The following SLC4A5 variants were observed in gnomAD, a reference collection of about 807,000 sequenced individuals.
The protein encoded by SLC4A5 is electrogenic sodium bicarbonate cotransporter 4.
SLC4A5 carries 96 observed loss-of-function variants against 120.4 expected under a neutral mutation model. The ratio of observed to expected loss-of-function variants is 0.80; its 90% CI spans 0.68 to 0.94. SLC4A5 has a LOEUF of 0.94. SLC4A5 is among the 40% of genes least tolerant of loss of function. SLC4A5 has a pLI of 0.00. For synonymous variants in SLC4A5, 550 were observed against 571.1 expected, an observed-to-expected ratio of 0.96 and a Z score of 0.53; for missense variants, 1,259 against 1,459.5, an observed-to-expected ratio of 0.86 and a Z score of 2.24.
At chr2:74,342,520 C>T (rs1247880062) in exon 2 of SLC4A5, 2 of 152,200 alleles carry the variant, frequency 1.3e-5, no homozygotes, top group Non-Finnish European at 2.9e-5. Context: ...AGCTGAATTC[C>T]AAATCCTGGG....
At chr2:74,280,698 T>C (rs1671785052) in intron 8 of SLC4A5, among the ~76,000 whole-genome samples, 1 of 151,960 alleles carries the variant, frequency 6.6e-6, no homozygotes, top group African/African-American at 2.4e-5. Flanking sequence ...TTTTTTTTTT[T>C]TTTGAGACAG....
chr2:74,249,065 T>C (rs1326849498), intron 17 of SLC4A5, among the ~76,000 whole-genome samples: 5 of 152,182 alleles, frequency 3.3e-5, no homozygotes, highest in Admixed American at 1.3e-4. Context: ...GTCCTGTGTA[T>C]TGTAGTGTGT....
At chr2:74,269,245 C>T (rs115649568) in intron 8 of SLC4A5, among the ~76,000 whole-genome samples, 3,299 of 151,862 alleles carry the variant, frequency 0.022, 52 homozygotes, top group Non-Finnish European at 0.035. Context: ...TCACTCTCAT[C>T]GCCCAGGCTG....
chr2:74,222,825 G>A (rs778759533), intron 29 of SLC4A5, 43 bp downstream of exon 29: 7 of 1,491,370 alleles, frequency 4.7e-6, no homozygotes, highest in Non-Finnish European at 5.6e-6. Flanking sequence ...AAGACATGGA[G>A]GACTAGTAGT....
At chr2:74,296,438 C>T (rs1672328353) in intron 7 of SLC4A5, among the ~76,000 whole-genome samples, 1 of 151,752 alleles carries the variant, frequency 6.6e-6, no homozygotes, top group African/African-American at 2.4e-5. Flanking sequence ...GAGGAAGCCA[C>T]CCCAATTTTA....
intron 5 of SLC4A5, among the ~76,000 whole-genome samples, chr2:74,316,772 C>G (rs957788811): frequency 1.3e-5 from 2 of 152,192 alleles, no homozygotes; most frequent in Non-Finnish European, 2.9e-5. Context: ...TGCTGACTAA[C>G]CAACCCCCTG....
In SLC4A5 at chr2:74,234,240, G is replaced by A. The variant is rs561197324; in HGVS notation, c.2434-677C>T. On this transcript the variant is annotated intron_variant, in intron 22 of 30. Transcript: ENST00000394019. ...GTTACCCAGGCTGCAGTGCAGTGGC[G>A]TGATCTCCGCTCACTGCAAGCTCTG... Among the ~76,000 whole-genome samples, 247 of 150,638 alleles carry A rather than the reference G, an allele frequency of 1.6e-3. 3 individuals are homozygous for A. The highest frequency in any genetic ancestry group is 5.6e-3 in the African/African-American group (228 of 40,922).
chr2:74,235,147 C>A (rs1441128920), exon 22 of SLC4A5: 1 of 1,614,148 alleles, frequency 6.2e-7, no homozygotes, highest in Admixed American at 1.7e-5. Flanking sequence ...TAGGCCAAAA[C>A]AGGCATCGAT....
At chr2:74,228,243 G>A (rs907672776) in intron 25 of SLC4A5, among the ~76,000 whole-genome samples, 3 of 152,186 alleles carry the variant, frequency 2.0e-5, no homozygotes, top group Non-Finnish European at 4.4e-5. Flanking sequence ...CCTCAGCTGA[G>A]GGTCCCCTAA....
rs551781904 is a variant in SLC4A5, at chr2:74,277,943, CA to C, written c.401+7829del. On this transcript the variant is annotated intron_variant, in intron 8 of 30. Transcript: ENST00000394019. ...CAAAAAAAAAATCCCCAAAAGCAAA[CA>C]AAAAAAGTGGTGGAGATAGATAAAT... Among the ~76,000 whole-genome samples, 527 of 151,600 alleles carry C rather than the reference CA, an allele frequency of 3.5e-3. 7 individuals carry two copies. Among genetic ancestry groups the C allele is most frequent in the African/African-American group, 0.011 (448 of 41,364 alleles).
chr2:74,246,917 A>T (rs2103971235), intron 19 of SLC4A5, 119 bp downstream of exon 19: 1 of 1,320,620 alleles, frequency 7.6e-7, no homozygotes, highest in Non-Finnish European at 1.0e-6. Context: ...CTCTCTTGGA[A>T]CTGTAAGCCC....
intron 6 of SLC4A5, among the ~76,000 whole-genome samples, chr2:74,312,588 C>T (rs1558909474): frequency 6.6e-6 from 1 of 152,158 alleles, no homozygotes; most frequent in East Asian, 1.9e-4. Context: ...TTTTTTGATC[C>T]TGCCTAACAT....
exon 20 of SLC4A5, chr2:74,242,042 G>A (rs748108623): frequency 6.2e-6 from 10 of 1,605,716 alleles, no homozygotes; most frequent in Admixed American, 3.3e-5. Flanking sequence ...CATTGAACAC[G>A]GTTGTATTCA....
chr2:74,293,564 G>A (rs1400166019), intron 7 of SLC4A5, among the ~76,000 whole-genome samples: 1 of 152,222 alleles, frequency 6.6e-6, no homozygotes, highest in Non-Finnish European at 1.5e-5. Context: ...AAAGGGCTGG[G>A]CTGCAAAGAG....
intron 8 of SLC4A5, among the ~76,000 whole-genome samples, chr2:74,281,473 C>T (rs557406115): frequency 9.2e-5 from 14 of 152,324 alleles, no homozygotes; most frequent in African/African-American, 3.4e-4. Context: ...CCAATCTGAT[C>T]CAGCCCTCCC....
intron 6 of SLC4A5, among the ~76,000 whole-genome samples, chr2:74,308,368 T>A (rs913319000): frequency 2.0e-5 from 3 of 152,208 alleles, no homozygotes; most frequent in African/African-American, 7.2e-5. Context: ...TTCCTATTGC[T>A]TTGCATCCTC....
chr2:74,304,160 A>T, intron 7 of SLC4A5, among the ~76,000 whole-genome samples: 1 of 152,168 alleles, frequency 6.6e-6, no homozygotes, highest in East Asian at 1.9e-4. Flanking sequence ...CATGTCCATT[A>T]TTGGTTCTTA....
At chr2:74,288,809 T>C (rs1247191025) in intron 7 of SLC4A5, among the ~76,000 whole-genome samples, 1 of 152,180 alleles carries the variant, frequency 6.6e-6, no homozygotes, top group African/African-American at 2.4e-5. Flanking sequence ...CCTCAACATA[T>C]TCAAAACAGC....
chr2:74,269,601 C>G (rs1002604329), intron 8 of SLC4A5, among the ~76,000 whole-genome samples: 2 of 152,058 alleles, frequency 1.3e-5, no homozygotes, highest in Admixed American at 6.6e-5. Context: ...ATTCAGCTTG[C>G]CTTTTATTGT....
Sources: gnomAD v4.1 joint callset for allele counts (sites outside exome capture counted in the v4.1 genomes callset) on GRCh38, gnomAD v4.1.1 for gene constraint, MANE v1.5 for transcripts, NCBI Gene and HGNC (gene_info 2026-07-23, HGNC 2026-07-21) for gene names.